Variants in CCSER1 observed in about 807,000 individuals in gnomAD.
CCSER1 encodes the protein serine-rich coiled-coil domain-containing protein 1.
In CCSER1, 41 loss-of-function variants were observed where a neutral mutation model predicts 82.0. That is an observed-to-expected ratio of 0.50 (90% CI 0.39 to 0.65). The LOEUF is 0.65. CCSER1 is among the 30% of genes least tolerant of loss of function. The pLI, the probability that CCSER1 is intolerant of heterozygous loss-of-function variation, is 0.00. For synonymous variants in CCSER1, 414 were observed against 383.9 expected (o/e 1.08, Z -0.92); for missense variants, 1,119 against 1,064.2 (o/e 1.05, Z -0.72).
intron 1 of CCSER1, among the ~76,000 whole-genome samples, chr4:90,261,753 T>C (rs182413153): frequency 1.3e-5 from 2 of 152,334 alleles, no homozygotes; most frequent in East Asian, 3.9e-4. Flanking sequence ...GGTTTGGCCA[T>C]ATTACATAAT....
intron 10 of CCSER1, among the ~76,000 whole-genome samples, chr4:91,138,787 G>T (rs1276085169): frequency 3.3e-5 from 5 of 150,510 alleles, no homozygotes; most frequent in African/African-American, 9.8e-5. Flanking sequence ...GACATGAACA[G>T]ACACTTCTCA....
intron 5 of CCSER1, among the ~76,000 whole-genome samples, chr4:90,486,797 A>G (rs751875379): frequency 3.3e-5 from 5 of 152,212 alleles, no homozygotes; most frequent in Non-Finnish European, 7.3e-5. Flanking sequence ...TAGAGCACCA[A>G]TCTTGAGACT....
intron 9 of CCSER1, among the ~76,000 whole-genome samples, chr4:91,043,255 G>T (rs1742131113): frequency 6.6e-6 from 1 of 151,812 alleles, no homozygotes; most frequent in African/African-American, 2.4e-5. Context: ...AATAATCATA[G>T]AAAAATAAAA....
At chr4:91,160,282 A>G (rs997283366) in intron 10 of CCSER1, among the ~76,000 whole-genome samples, 1 of 152,086 alleles carries the variant, frequency 6.6e-6, no homozygotes, top group Non-Finnish European at 1.5e-5. Flanking sequence ...CATTTTCTTA[A>G]TCCAGTCTGT....
intron 9 of CCSER1, among the ~76,000 whole-genome samples, chr4:91,039,750 A>G (rs1426041848): frequency 6.6e-6 from 1 of 151,942 alleles, no homozygotes; most frequent in African/African-American, 2.4e-5. Context: ...GTAGAATTAT[A>G]TATGTATATA....
chr4:90,366,287 G>C (rs1337031321), intron 3 of CCSER1, among the ~76,000 whole-genome samples: 1 of 149,472 alleles, frequency 6.7e-6, no homozygotes. Flanking sequence ...AAAGATGTTA[G>C]TATCTTAATC....
chr4:90,762,464 G>T (rs577762554), intron 7 of CCSER1, among the ~76,000 whole-genome samples: 4 of 152,192 alleles, frequency 2.6e-5, no homozygotes, highest in African/African-American at 9.6e-5. Context: ...GTTACTTGTT[G>T]GTTCTCCTTA....
chr4:90,430,139 T>C (rs953771163), intron 4 of CCSER1, among the ~76,000 whole-genome samples: 5 of 151,930 alleles, frequency 3.3e-5, no homozygotes, highest in Non-Finnish European at 5.9e-5. Flanking sequence ...AATTGCATTT[T>C]CTTCTTTGTA....
chr4:91,491,801 A>C (rs1469180136), intron 10 of CCSER1, among the ~76,000 whole-genome samples: 1 of 152,092 alleles, frequency 6.6e-6, no homozygotes, highest in Non-Finnish European at 1.5e-5. Flanking sequence ...CAATAGATGG[A>C]AATGTTTACA....
intron 3 of CCSER1, among the ~76,000 whole-genome samples, chr4:90,357,599 T>A (rs1286718342): frequency 6.6e-6 from 1 of 152,002 alleles, no homozygotes; most frequent in East Asian, 1.9e-4. Flanking sequence ...TTAGCTTTCA[T>A]CATTTTTAAT....
chr4:91,115,675 A>G (rs1471904006), intron 10 of CCSER1, among the ~76,000 whole-genome samples: 5 of 152,016 alleles, frequency 3.3e-5, no homozygotes, highest in African/African-American at 7.2e-5. Context: ...CTCAGGGTAC[A>G]TACTAAAAAA....
At chr4:91,447,093 T>C (rs1056259448) in intron 10 of CCSER1, among the ~76,000 whole-genome samples, 3 of 152,050 alleles carry the variant, frequency 2.0e-5, no homozygotes, top group Non-Finnish European at 4.4e-5. Context: ...TCTTCCTAAC[T>C]TCCATTCATT....
At chr4:90,334,996 A>G (rs1364370445) in intron 3 of CCSER1, among the ~76,000 whole-genome samples, 4 of 152,176 alleles carry the variant, frequency 2.6e-5, no homozygotes, top group Non-Finnish European at 4.4e-5. Context: ...GAATTTATAA[A>G]AGTCAAAAAT....
At chr4:91,545,368 A>G (rs1158469770) in intron 10 of CCSER1, among the ~76,000 whole-genome samples, 1 of 152,104 alleles carries the variant, frequency 6.6e-6, no homozygotes, top group Admixed American at 6.5e-5. Context: ...CAGGTACCTC[A>G]GTTGGAAATG....
At position 90,502,222 on chromosome 4, in the gene CCSER1, C is replaced by T. The variant is rs1578838186; in HGVS notation, c.1724+33868C>T. ...TGTACAGGAATCATGGCTAGGGAGA[C>T]CTCAGGAAACTTACCAGCATGGAGG... On this transcript the variant is annotated intron_variant, in intron 5 of 10. Coordinates refer to ENST00000509176, the MANE Select transcript of CCSER1 (RefSeq NM_001145065.2). Among the ~76,000 whole-genome samples the T allele has an allele frequency of 2.0e-5, 3 of 152,168 alleles. No individual in the cohort carries two copies. The East Asian group carries it at 5.8e-4, about 29-fold the overall frequency.
chr4:91,413,348 T>C (rs1382600197), intron 10 of CCSER1, among the ~76,000 whole-genome samples: 2 of 152,102 alleles, frequency 1.3e-5, no homozygotes, highest in Non-Finnish European at 2.9e-5. Context: ...TAGTCCTAGC[T>C]ACTCAGGAGG....
At chr4:91,539,585 C>G (rs902771885) in intron 10 of CCSER1, among the ~76,000 whole-genome samples, 1 of 151,972 alleles carries the variant, frequency 6.6e-6, no homozygotes, top group Non-Finnish European at 1.5e-5. Flanking sequence ...TAGTGGTTTC[C>G]TAAATCAGCA....
At chr4:91,238,033 G>A (rs559669512) in intron 10 of CCSER1, among the ~76,000 whole-genome samples, 1 of 152,244 alleles carries the variant, frequency 6.6e-6, no homozygotes, top group South Asian at 2.1e-4. Context: ...GTGCTCTTTT[G>A]CATAGTGGGA....
chr4:91,331,880 C>T (rs1344808383), intron 10 of CCSER1, among the ~76,000 whole-genome samples: 3 of 152,074 alleles, frequency 2.0e-5, no homozygotes, highest in Non-Finnish European at 4.4e-5. Flanking sequence ...AACTACAAGA[C>T]CTGTATCTCT....
Sources: gnomAD v4.1 joint callset for allele counts (sites outside exome capture counted in the v4.1 genomes callset) on GRCh38, gnomAD v4.1.1 for gene constraint, MANE v1.5 for transcripts, NCBI Gene and HGNC (gene_info 2026-07-23, HGNC 2026-07-21) for gene names.